CREB5: variants seen among roughly 807,000 people sequenced by gnomAD.
CREB5 encodes cAMP responsive element binding protein 5.
In CREB5, 19 loss-of-function variants were observed where a neutral mutation model predicts 57.1. The observed-to-expected ratio is 0.33, with a 90% confidence interval of 0.23 to 0.49. The LOEUF (loss-of-function observed/expected upper bound fraction) is 0.49, where lower values mean the gene tolerates loss of function less well. CREB5 is among the 20% of genes least tolerant of loss of function. The pLI, the probability that CREB5 is intolerant of heterozygous loss-of-function variation, is 0.99. For missense variants in CREB5, 579 were observed against 671.6 expected, an observed-to-expected ratio of 0.86 and a Z score of 1.52; for synonymous variants, 238 against 238.3, an observed-to-expected ratio of 1.00 and a Z score of 0.01.
rs1806051923 is a variant in CREB5 at position 28,767,194 on chromosome 7, C to T, written c.703-37005C>T. 3.3e-5 allele frequency among the ~76,000 whole-genome samples: 5 copies of T among 152,330 alleles called. No individual in the cohort carries two copies. In the South Asian group the frequency reaches 1.0e-3, roughly 32 times the overall value. On this transcript the variant is annotated intron_variant, in intron 7 of 10. Transcript: ENST00000357727. Reference sequence around the variant, plus strand: ...ATTCACAATTTATGTACCCAAGTAACTTAGCCCATTTTAAAATTCTTGCTG... The same window carrying T: ...ATTCACAATTTATGTACCCAAGTAATTTAGCCCATTTTAAAATTCTTGCTG...
At chr7:28,802,258 A>C (rs1456198645) in intron 7 of CREB5, among the ~76,000 whole-genome samples, 1 of 152,076 alleles carries the variant, frequency 6.6e-6, no homozygotes, top group African/African-American at 2.4e-5. Context: ...CGGGATGACA[A>C]AAATATTTTA....
At chr7:28,677,768 C>T (rs914625583) in intron 5 of CREB5, among the ~76,000 whole-genome samples, 6 of 152,072 alleles carry the variant, frequency 3.9e-5, no homozygotes, top group Admixed American at 2.0e-4. Context: ...GTTCCAGCTA[C>T]GTGGGAGGCT....
At chr7:28,806,014 A>G (rs1460312454) in intron 8 of CREB5, among the ~76,000 whole-genome samples, 1 of 152,212 alleles carries the variant, frequency 6.6e-6, no homozygotes, top group Non-Finnish European at 1.5e-5. Context: ...TAGAAAGAAA[A>G]AAAAAAACTA....
chr7:28,652,366 A>G (rs1007855075), intron 5 of CREB5, among the ~76,000 whole-genome samples: 2 of 152,212 alleles, frequency 1.3e-5, no homozygotes, highest in South Asian at 2.1e-4. Context: ...GGTTTTAAAG[A>G]TATTTATTCT....
intron 7 of CREB5, among the ~76,000 whole-genome samples, chr7:28,778,110 T>C (rs1192824751): frequency 6.6e-6 from 1 of 152,218 alleles, no homozygotes; most frequent in Non-Finnish European, 1.5e-5. Flanking sequence ...GACACAGGCA[T>C]ACAAAACCTG....
chr7:28,369,265 C>T (rs2127993596), intron 1 of CREB5, among the ~76,000 whole-genome samples: 1 of 152,254 alleles, frequency 6.6e-6, no homozygotes, highest in East Asian at 1.9e-4. Flanking sequence ...AGCACAGGAG[C>T]ATGGCCAGTG....
intron 1 of CREB5, among the ~76,000 whole-genome samples, chr7:28,305,056 T>A (rs1330053635): frequency 6.6e-6 from 1 of 152,200 alleles, no homozygotes; most frequent in Non-Finnish European, 1.5e-5. Context: ...CTCCAGCCTC[T>A]TGTTCTAAGT....
chr7:28,706,193 A>G, intron 5 of CREB5, among the ~76,000 whole-genome samples: 1 of 152,190 alleles, frequency 6.6e-6, no homozygotes, highest in South Asian at 2.1e-4. Context: ...CATCTCTACT[A>G]AAAATACAAA....
intron 1 of CREB5, among the ~76,000 whole-genome samples, chr7:28,324,264 C>T (rs182115908): frequency 2.9e-4 from 44 of 152,242 alleles, no homozygotes; most frequent in Admixed American, 5.2e-4. Context: ...CTCTGTGCCC[C>T]TTCAGAGCAA....
chr7:28,420,559 C>T (rs796738648), intron 1 of CREB5, among the ~76,000 whole-genome samples: 9 of 152,256 alleles, frequency 5.9e-5, no homozygotes, highest in African/African-American at 2.2e-4. Flanking sequence ...GTAATCCCAG[C>T]ACTTTGGGAG....
chr7:28,762,689 A>T (rs899225919), intron 7 of CREB5, among the ~76,000 whole-genome samples: 1 of 152,006 alleles, frequency 6.6e-6, no homozygotes, highest in Non-Finnish European at 1.5e-5. Context: ...CCTAAGCAAA[A>T]TAGTCATCTG....
intron 4 of CREB5, among the ~76,000 whole-genome samples, chr7:28,533,028 G>C (rs1457587174): frequency 3.3e-5 from 5 of 152,204 alleles, no homozygotes; most frequent in African/African-American, 1.2e-4. Context: ...AAAGAGCCAG[G>C]CTTGGATCAT....
At chr7:28,704,766 T>C (rs1327477487) in intron 5 of CREB5, among the ~76,000 whole-genome samples, 1 of 152,094 alleles carries the variant, frequency 6.6e-6, no homozygotes, top group Non-Finnish European at 1.5e-5. Context: ...CGGATTACTC[T>C]CTCTTGATCA....
At chr7:28,306,568 T>TTTTTTTTTTG in intron 1 of CREB5, among the ~76,000 whole-genome samples, 1 of 132,712 alleles carries the variant, frequency 7.5e-6, no homozygotes, top group Non-Finnish European at 1.6e-5. Flanking sequence ...TTTTTTTTTT[T>TTTTTTTTTTG]TTTTTTTTTT....
intron 3 of CREB5, among the ~76,000 whole-genome samples, chr7:28,498,884 G>T (rs1456631195): frequency 1.3e-5 from 2 of 152,154 alleles, no homozygotes; most frequent in Admixed American, 6.5e-5. Flanking sequence ...TGTGAAAAAG[G>T]ATAATTTCAT....
At chr7:28,339,453 T>C (rs1046921740) in intron 1 of CREB5, among the ~76,000 whole-genome samples, 1 of 152,210 alleles carries the variant, frequency 6.6e-6, no homozygotes, top group African/African-American at 2.4e-5. Context: ...GAGACTCTTA[T>C]TCTCTTCCCT....
At position 28,671,484 on chromosome 7, in the gene CREB5, A is replaced by AT. The variant is rs1369059732; in HGVS notation, c.465-47264dup. Among the ~76,000 whole-genome samples, 5 of 152,184 alleles carry AT rather than the reference A, an allele frequency of 3.3e-5. No homozygotes were observed. In the East Asian group the frequency reaches 9.6e-4, roughly 29 times the overall value. On this transcript the variant is annotated intron_variant, in intron 5 of 10. Coordinates refer to ENST00000357727, the MANE Select transcript of CREB5 (RefSeq NM_182898.4). ...GTTCAACTAGAACACAGCAATCCTA[A>AT]TTTTTCAGACTGGGGAGAAGCAAGA...
At chr7:28,620,678 T>C (rs1378869311) in intron 5 of CREB5, among the ~76,000 whole-genome samples, 2 of 152,122 alleles carry the variant, frequency 1.3e-5, no homozygotes, top group African/African-American at 2.4e-5. Context: ...TTTAACCCTC[T>C]CATTGACATC....
chr7:28,482,968 C>T (rs539615475), intron 1 of CREB5, among the ~76,000 whole-genome samples: 9 of 152,312 alleles, frequency 5.9e-5, no homozygotes, highest in African/African-American at 1.9e-4. Flanking sequence ...GAAACTTGTG[C>T]CATCCCACTA....
Sources: allele counts gnomAD v4.1 joint callset (sites outside exome capture counted in the v4.1 genomes callset), GRCh38; gene constraint gnomAD v4.1.1; transcripts MANE v1.5; gene names NCBI Gene and HGNC (gene_info 2026-07-23, HGNC 2026-07-21).